Variants in SEMA3A observed in about 807,000 individuals in gnomAD.
SEMA3A encodes semaphorin-3A.
Under a neutral mutation model 97.9 loss-of-function variants are expected in SEMA3A, and 29 were observed. That is an observed-to-expected ratio of 0.30 (90% CI 0.22 to 0.40). SEMA3A has a LOEUF of 0.40. SEMA3A is among the 10% of genes least tolerant of loss of function. The pLI is 1.00. For synonymous variants in SEMA3A, 321 were observed against 323.7 expected, an observed-to-expected ratio of 0.99 and a Z score of 0.09; for missense variants, 763 against 951.3, an observed-to-expected ratio of 0.80 and a Z score of 2.60.
chr7:84,093,520 A>C (rs1351899098), intron 4 of SEMA3A, among the ~76,000 whole-genome samples: 1 of 152,186 alleles, frequency 6.6e-6, no homozygotes, highest in Non-Finnish European at 1.5e-5. Context: ...CAATAAATGC[A>C]ATGTCCTAGG....
chr7:84,239,625 T>G (rs1799313674), intron 3 of SEMA3A, among the ~76,000 whole-genome samples: 2 of 152,188 alleles, frequency 1.3e-5, no homozygotes, highest in Non-Finnish European at 2.9e-5. Flanking sequence ...CAATTTCTTT[T>G]TATAGTTTAG....
At chr7:84,024,291 G>A (rs1791459381) in intron 6 of SEMA3A, among the ~76,000 whole-genome samples, 1 of 152,088 alleles carries the variant, frequency 6.6e-6, no homozygotes, top group African/African-American at 2.4e-5. Context: ...TGTAATCCCG[G>A]CACCATGGGG....
intron 3 of SEMA3A, among the ~76,000 whole-genome samples, chr7:84,301,832 A>G (rs989480409): frequency 6.6e-6 from 1 of 152,194 alleles, no homozygotes. Context: ...CAAACTGCTC[A>G]GGGGAATGTC....
chr7:84,119,625 G>A (rs1795541638), intron 3 of SEMA3A, among the ~76,000 whole-genome samples: 1 of 152,128 alleles, frequency 6.6e-6, no homozygotes, highest in Admixed American at 6.6e-5. Flanking sequence ...ACACGTCTGA[G>A]TAAAATATTA....
At chr7:84,449,356 T>A (rs1451852900) in intron 1 of SEMA3A, among the ~76,000 whole-genome samples, 1 of 151,762 alleles carries the variant, frequency 6.6e-6, no homozygotes, top group Non-Finnish European at 1.5e-5. Context: ...ACAAACTAAG[T>A]ACAAATCAAT....
chr7:84,302,816 G>A (rs1801052774), intron 3 of SEMA3A, among the ~76,000 whole-genome samples: 1 of 152,162 alleles, frequency 6.6e-6, no homozygotes. Context: ...TAGAATTAGA[G>A]TTGGTGTTTG....
At chr7:84,273,365 A>C (rs564083781) in intron 3 of SEMA3A, among the ~76,000 whole-genome samples, 4 of 152,128 alleles carry the variant, frequency 2.6e-5, no homozygotes, top group African/African-American at 4.8e-5. Flanking sequence ...ATTGTATTCA[A>C]ACTAAAAGTT....
chr7:84,396,286 A>T (rs189966734), intron 1 of SEMA3A, among the ~76,000 whole-genome samples: 1 of 151,800 alleles, frequency 6.6e-6, no homozygotes, highest in African/African-American at 2.4e-5. Context: ...TCAAGAAATC[A>T]GCAACAGGGT....
intron 3 of SEMA3A, among the ~76,000 whole-genome samples, chr7:84,226,169 G>T (rs1160691645): frequency 6.6e-6 from 1 of 152,020 alleles, no homozygotes; most frequent in Non-Finnish European, 1.5e-5. Context: ...TGAGGAATCA[G>T]AAATTAACCA....
intron 1 of SEMA3A, among the ~76,000 whole-genome samples, chr7:84,458,676 T>G (rs946219726): frequency 6.6e-6 from 1 of 152,094 alleles, no homozygotes; most frequent in African/African-American, 2.4e-5. Context: ...AAATCATTAT[T>G]GCTTATTGAT....
chr7:84,181,873 A>G lies in SEMA3A; in HGVS notation c.112+12602T>C, dbSNP rs17158709. Among the ~76,000 whole-genome samples, 1,674 of 152,260 alleles carry G rather than the reference A, an allele frequency of 0.011. 56 individuals are homozygous for G. In the East Asian group the frequency reaches 0.14, roughly 12 times the overall value. On this transcript the variant is annotated intron_variant, in intron 1 of 16. Transcript: ENST00000265362. ...GCATTGTAGTACAGCTAAAGCCACAATGAAATAAAATTCTTCTTGGTCTAG... is the reference window on the plus strand; with the variant it reads ...GCATTGTAGTACAGCTAAAGCCACAGTGAAATAAAATTCTTCTTGGTCTAG...
At chr7:84,433,195 T>C (rs1023456145) in intron 1 of SEMA3A, among the ~76,000 whole-genome samples, 7 of 151,956 alleles carry the variant, frequency 4.6e-5, no homozygotes, top group African/African-American at 1.7e-4. Flanking sequence ...TCATTTACAT[T>C]AGGTATTCCA....
At chr7:84,485,799 C>A (rs1806560503) in intron 1 of SEMA3A, among the ~76,000 whole-genome samples, 1 of 152,132 alleles carries the variant, frequency 6.6e-6, no homozygotes, top group Non-Finnish European at 1.5e-5. Flanking sequence ...TATTGTAGGG[C>A]TTACTTTCAA....
rs1473181617 is a variant in SEMA3A at position 84,014,869 on chromosome 7, G to GA, written c.668-519dup. Among the ~76,000 whole-genome samples, 7 of 151,914 alleles carry GA rather than the reference G, an allele frequency of 4.6e-5. 1 individual carries two copies. In the East Asian group the frequency reaches 7.7e-4, roughly 17 times the overall value. Reference sequence around the variant, plus strand: ...CAGTGTCATTCCACTAGATACACAGGAAAAAACCCTGGCCACCCTTGAATT... The same window carrying GA: ...CAGTGTCATTCCACTAGATACACAGGAAAAAAACCCTGGCCACCCTTGAATT... On this transcript the variant is annotated intron_variant, in intron 6 of 16. Coordinates refer to ENST00000265362, the MANE Select transcript of SEMA3A (RefSeq NM_006080.3).
intron 12 of SEMA3A, among the ~76,000 whole-genome samples, chr7:83,995,549 G>T (rs1018212901): frequency 3.3e-5 from 5 of 152,214 alleles, no homozygotes; most frequent in Admixed American, 3.3e-4. Flanking sequence ...AATATTAATA[G>T]ACAATATATT....
chr7:84,113,532 T>G (rs1376627109), intron 3 of SEMA3A, among the ~76,000 whole-genome samples: 1 of 152,168 alleles, frequency 6.6e-6, no homozygotes, highest in Non-Finnish European at 1.5e-5. Flanking sequence ...ATGACGATTC[T>G]TAAAACTCAG....
intron 1 of SEMA3A, among the ~76,000 whole-genome samples, chr7:84,146,251 G>A (rs1206191929): frequency 1.3e-5 from 2 of 152,054 alleles, no homozygotes; most frequent in Non-Finnish European, 2.9e-5. Flanking sequence ...TGGAGGAAAT[G>A]GTTAACTAGA....
intron 1 of SEMA3A, among the ~76,000 whole-genome samples, chr7:84,397,065 T>A (rs1803755599): frequency 6.6e-6 from 1 of 152,014 alleles, no homozygotes; most frequent in Admixed American, 6.6e-5. Flanking sequence ...AAAAATAAAA[T>A]CTTGATTTAC....
intron 2 of SEMA3A, among the ~76,000 whole-genome samples, chr7:84,359,098 A>T (rs1269724660): frequency 1.3e-5 from 2 of 152,110 alleles, no homozygotes; most frequent in African/African-American, 4.8e-5. Flanking sequence ...GGACAATTTG[A>T]ATTCCTCTTT....
Sources: allele counts gnomAD v4.1 joint callset (sites outside exome capture counted in the v4.1 genomes callset), GRCh38; gene constraint gnomAD v4.1.1; transcripts MANE v1.5; gene names NCBI Gene and HGNC (gene_info 2026-07-23, HGNC 2026-07-21).